SIRPD: variants seen among roughly 807,000 people sequenced by gnomAD.
The protein encoded by SIRPD is signal-regulatory protein delta.
Under a neutral mutation model 18.0 loss-of-function variants are expected in SIRPD, and 21 were observed. That is an observed-to-expected ratio of 1.17 (90% confidence interval 0.83 to 1.68). The LOEUF (loss-of-function observed/expected upper bound fraction) is 1.68, where lower values mean the gene tolerates loss of function less well. Ranked by LOEUF, SIRPD falls within the 40% of genes most tolerant of loss-of-function variation. The probability of loss-of-function intolerance (pLI) is 0.00; values close to 1 mark genes in which losing one functional copy is unlikely to be tolerated. For missense variants in SIRPD, 295 were observed against 238.4 expected (o/e 1.24, Z -1.56); for synonymous variants, 106 against 92.9 (o/e 1.14, Z -0.81).
At chr20:1,541,027 C>G (rs2090968837) in intron 2 of SIRPD, among the ~76,000 whole-genome samples, 1 of 152,154 alleles carries the variant, frequency 6.6e-6, no homozygotes. Context: ...TTTTCTTTAT[C>G]TATCCTATCA....
chr20:1,557,247 T>A (rs145696631), intron 1 of SIRPD, among the ~76,000 whole-genome samples: 3 of 152,012 alleles, frequency 2.0e-5, no homozygotes, highest in African/African-American at 7.2e-5. Flanking sequence ...AGTGAGACCC[T>A]GTCTCAAAAA....
rs561973974 is a variant in SIRPD, at chr20:1,557,081, C to T, written c.73+500G>A. Reference sequence around the variant, plus strand: ...CAGCCTGGGCAACATGGTGAAACCCCATCTCTACAAAAAAGACAAAAATTA... The same window carrying T: ...CAGCCTGGGCAACATGGTGAAACCCTATCTCTACAAAAAAGACAAAAATTA... On this transcript the variant is annotated intron_variant, in intron 1 of 3. Transcript: ENST00000381623. Among the ~76,000 whole-genome samples the T allele has an allele frequency of 1.5e-4, 23 of 152,062 alleles. No homozygotes were observed. In the East Asian group the frequency reaches 3.1e-3, roughly 20 times the overall value.
Position 1,537,201 on chromosome 20 carries a change from G to C in SIRPD, c.531C>G (p.Asn177Lys). The change falls in exon 3 of 4, where the codon AAC (asparagine) becomes AAG (lysine). Residue 177 changes from asparagine (N) to lysine (K), a missense_variant. Physicochemically the swap from Asn to Lys is moderately conservative, Grantham distance 94. Coordinates refer to ENST00000381623, the MANE Select transcript of SIRPD (RefSeq NM_178460.3). ...LSALPERNST[N>K]YFVQPCCCLR... is the part of the protein sequence containing the mutation. ...GGCAGCAGCAGGGTTGGACGAAATA[G>C]TTTGTGCTGTTTCTCTCAGGCAGGG... 6.2e-7 allele frequency: 1 copy of C among 1,614,168 alleles called. No homozygotes were observed. The highest frequency in any genetic ancestry group is 8.5e-7 in the Non-Finnish European group (1 of 1,180,018).
chr20:1,551,744 C>T lies in SIRPD; in HGVS notation c.368G>A (p.Gly123Glu), dbSNP rs2091019973. ...TGATTGGTACTCCTTGATAGCTCTTCCTTTTATGAACTTCACGCAGTAATA... is the reference window on the plus strand; with the variant it reads ...TGATTGGTACTCCTTGATAGCTCTTTCTTTTATGAACTTCACGCAGTAATA... ...GTYYCVKFIK[G>E]RAIKEYQSGR... Residue 123 changes from glycine to glutamate, a missense_variant, in exon 2 of 4, where the codon GGA becomes GAA. By Grantham distance (98) the Gly-to-Glu change is moderately conservative. Transcript: ENST00000381623. 2 of 1,614,056 alleles carry T rather than the reference C, an allele frequency of 1.2e-6. No individual in the cohort carries two copies. The highest frequency in any genetic ancestry group is 2.2e-5 in the East Asian group (1 of 44,866).
rs780993152 is a variant in SIRPD, at chr20:1,551,741, C to T, written c.371G>A (p.Arg124Lys). 1.9e-6 allele frequency: 3 copies of T among 1,614,062 alleles called. No individual in the cohort carries two copies. The highest frequency in any genetic ancestry group is 2.5e-6 in the Non-Finnish European group (3 of 1,179,958). The part of the protein sequence containing the change: ...TYYCVKFIKG[R>K]AIKEYQSGRG... ...ACCTGATTGGTACTCCTTGATAGCT[C>T]TTCCTTTTATGAACTTCACGCAGTA... Residue 124 changes from arginine to lysine, a missense_variant, in exon 2 of 4, where the codon AGA becomes AAA. Coordinates refer to ENST00000381623, the MANE Select transcript of SIRPD (RefSeq NM_178460.3).
At chr20:1,554,980 G>C (rs2091033954) in intron 1 of SIRPD, among the ~76,000 whole-genome samples, 1 of 152,138 alleles carries the variant, frequency 6.6e-6, no homozygotes, top group Non-Finnish European at 1.5e-5. Context: ...CTGACATTGA[G>C]TTCATGGCAG....
intron 1 of SIRPD, chr20:1,554,317 CT>C (rs1435841055): frequency 9.8e-5 from 15 of 152,570 alleles, no homozygotes; most frequent in African/African-American, 2.9e-4. Context: ...ATGGAATCAT[CT>C]CTTATGTTCT....
intron 2 of SIRPD, chr20:1,540,342 T>C (rs1211101309): frequency 6.6e-6 from 3 of 455,856 alleles, no homozygotes; most frequent in African/African-American, 4.0e-5. Flanking sequence ...GAGACTAAAT[T>C]TGGTTTTTAA....
At chr20:1,557,482 AC>A (rs1262335599) in intron 1 of SIRPD, 98 bp downstream of exon 1, 4 of 1,090,130 alleles carry the variant, frequency 3.7e-6, no homozygotes, top group Non-Finnish European at 5.0e-6. Context: ...GATGGAGAAA[AC>A]CCTCCCAAAA....
intron 3 of SIRPD, among the ~76,000 whole-genome samples, chr20:1,534,918 T>C (rs1331692036): frequency 6.6e-6 from 1 of 152,218 alleles, no homozygotes; most frequent in Non-Finnish European, 1.5e-5. Flanking sequence ...TAATTCCTCT[T>C]TGACGGCCTT....
intron 2 of SIRPD, among the ~76,000 whole-genome samples, chr20:1,541,465 G>A (rs1478248824): frequency 2.6e-5 from 4 of 152,106 alleles, no homozygotes; most frequent in Non-Finnish European, 4.4e-5. Context: ...CATATCCTTC[G>A]CCCACTTTTT....
In SIRPD at chr20:1,537,228, C is replaced by T. The variant is rs746018787; in HGVS notation, c.504G>A (p.Ser168=). Residue 168 remains serine, a synonymous_variant, in exon 3 of 4, where the codon TCG becomes TCA. Transcript: ENST00000381623. ...RAHHDAHTCL[S]ALPERNSTNY... is the part of the protein sequence containing the mutation. The stretch of plus-strand genomic sequence containing the variant: ...TTGTGCTGTTTCTCTCAGGCAGGGC[C>T]GAGAGGCAGGTATGGGCATCATGGT... 33 of 1,613,894 alleles carry T rather than the reference C, an allele frequency of 2.0e-5. No homozygotes were observed. The highest frequency in any genetic ancestry group is 1.6e-4 in the Middle Eastern group (1 of 6,084).
intron 2 of SIRPD, among the ~76,000 whole-genome samples, chr20:1,542,592 A>T (rs2090977098): frequency 6.6e-6 from 1 of 152,200 alleles, no homozygotes; most frequent in South Asian, 2.1e-4. Flanking sequence ...AAACAGAAAC[A>T]ATTTGACTTC....
At chr20:1,537,376 G>A (rs2090951555) in intron 2 of SIRPD, 66 bp from the exon 3 acceptor site, 1 of 1,524,232 alleles carries the variant, frequency 6.6e-7, no homozygotes, top group Non-Finnish European at 9.0e-7. Context: ...GGGAGGAAAG[G>A]GCTGTAGGAT....
At chr20:1,542,580 G>C (rs553822879) in intron 2 of SIRPD, among the ~76,000 whole-genome samples, 13 of 152,314 alleles carry the variant, frequency 8.5e-5, no homozygotes, top group African/African-American at 3.1e-4. Flanking sequence ...CATGTCATCT[G>C]TAAACAGAAA....
At chr20:1,545,089 G>C (rs563579169) in intron 2 of SIRPD, among the ~76,000 whole-genome samples, 21 of 152,270 alleles carry the variant, frequency 1.4e-4, no homozygotes, top group African/African-American at 4.8e-4. Flanking sequence ...GCGATTGTGT[G>C]TCTTGGGGTT....
At chr20:1,538,849 C>T (rs746458603) in intron 2 of SIRPD, among the ~76,000 whole-genome samples, 1 of 152,170 alleles carries the variant, frequency 6.6e-6, no homozygotes, top group Non-Finnish European at 1.5e-5. Flanking sequence ...AGACCCCAGG[C>T]AACATATAGC....
intron 2 of SIRPD, among the ~76,000 whole-genome samples, chr20:1,548,487 C>T (rs6042909): frequency 0.5 from 75,919 of 151,890 alleles, 21,069 homozygotes; most frequent in East Asian, 0.78. Context: ...ATAATGCTTT[C>T]TATATGTTGC....
At chr20:1,547,009 T>G (rs974364990) in intron 2 of SIRPD, among the ~76,000 whole-genome samples, 1 of 152,174 alleles carries the variant, frequency 6.6e-6, no homozygotes, top group Non-Finnish European at 1.5e-5. Flanking sequence ...GCATAAAAGG[T>G]TTTAATTTTT....
Sources: gnomAD v4.1 joint callset for allele counts (sites outside exome capture counted in the v4.1 genomes callset) on GRCh38, gnomAD v4.1.1 for gene constraint, MANE v1.5 for transcripts, NCBI Gene and HGNC (gene_info 2026-07-23, HGNC 2026-07-21) for gene names.